Variants in RBFOX2 observed in about 807,000 individuals in gnomAD.
RBFOX2 encodes RNA binding fox-1 homolog 2, also known as RNA binding protein fox-1 homolog 2.
A neutral mutation model predicts 49.1 loss-of-function variants in RBFOX2; 10 were observed. The observed-to-expected ratio is 0.20, with a 90% CI of 0.13 to 0.35. RBFOX2 has a LOEUF of 0.35. Ranked by LOEUF, RBFOX2 falls within the 10% of genes least tolerant of loss-of-function variation. The pLI is 1.00. For missense variants in RBFOX2, 323 were observed against 486.9 expected, an observed-to-expected ratio of 0.66 and a Z score of 3.17; for synonymous variants, 183 against 187.4, an observed-to-expected ratio of 0.98 and a Z score of 0.19.
chr22:35,883,109 T>C (rs763140380), intron 1 of RBFOX2, among the ~76,000 whole-genome samples: 1 of 152,218 alleles, frequency 6.6e-6, no homozygotes, highest in African/African-American at 2.4e-5. Context: ...CCTTCATCTC[T>C]AGGCTCCTGC....
intron 1 of RBFOX2, among the ~76,000 whole-genome samples, chr22:35,915,227 G>A (rs1161859295): frequency 6.6e-6 from 1 of 152,240 alleles, no homozygotes; most frequent in Non-Finnish European, 1.5e-5. Flanking sequence ...AGGGCAGAGA[G>A]AAGGGAGGGT....
intron 1 of RBFOX2, among the ~76,000 whole-genome samples, chr22:35,873,648 A>G (rs2044648558): frequency 6.6e-6 from 1 of 152,170 alleles, no homozygotes; most frequent in African/African-American, 2.4e-5. Flanking sequence ...TGTTGTTGAT[A>G]TTCACAAAAG....
chr22:35,960,742 A>C (rs550449965), intron 1 of RBFOX2, among the ~76,000 whole-genome samples: 2 of 152,300 alleles, frequency 1.3e-5, no homozygotes, highest in African/African-American at 4.8e-5. Context: ...CGAAGAGCCA[A>C]TTCGAAGAAA....
At chr22:35,942,723 T>TAAAAAAAAAAAAAAA (rs35497151), upstream of RBFOX2, among the ~76,000 whole-genome samples, 1 of 129,670 alleles carries the variant, frequency 7.7e-6, no homozygotes, top group African/African-American at 2.9e-5. Flanking sequence ...TCCCATCTCT[T>TAAAAAAAAAAAAAAA]AAAAAAAAAA....
rs567111118 is a variant in RBFOX2, at chr22:35,947,160, C to G, written c.43-8263G>C. The stretch of plus-strand genomic sequence containing the variant: ...TGAGCTGAGATCGTGCCACTGCACT[C>G]CAGCCTGGGCGACAGAGCAAAACTC... On this transcript the variant is annotated intron_variant, in intron 1 of 5. Coordinates refer to the RBFOX2 transcript ENST00000408983. 2.0e-5 allele frequency among the ~76,000 whole-genome samples: 3 copies of G among 152,126 alleles called. No individual in the cohort carries two copies. The East Asian group carries it at 5.8e-4, about 30-fold the overall frequency.
intron 9 of RBFOX2, among the ~76,000 whole-genome samples, chr22:35,756,503 A>G (rs1391034313): frequency 6.6e-6 from 1 of 152,212 alleles, no homozygotes; most frequent in Non-Finnish European, 1.5e-5. Context: ...ATTTTTAAAA[A>G]TAAGCTTGCC....
At chr22:35,916,220 A>T (rs1189335536) in intron 1 of RBFOX2, among the ~76,000 whole-genome samples, 2 of 152,188 alleles carry the variant, frequency 1.3e-5, no homozygotes, top group Non-Finnish European at 2.9e-5. Context: ...TCTAAAGCCC[A>T]GTTTCTTCAT....
At chr22:35,852,400 T>C (rs1440982815) in intron 1 of RBFOX2, among the ~76,000 whole-genome samples, 2 of 151,486 alleles carry the variant, frequency 1.3e-5, no homozygotes, top group African/African-American at 2.4e-5. Flanking sequence ...TACAGCAGCA[T>C]GTGCCTGTAG....
intron 1 of RBFOX2, among the ~76,000 whole-genome samples, chr22:35,919,896 G>T (rs1441370998): frequency 1.3e-5 from 2 of 152,082 alleles, no homozygotes; most frequent in Admixed American, 6.5e-5. Flanking sequence ...CCTTTCCTAC[G>T]AAAACGACTG....
At chr22:35,985,021 A>G (rs1220901596) in intron 1 of RBFOX2, among the ~76,000 whole-genome samples, 1 of 152,216 alleles carries the variant, frequency 6.6e-6, no homozygotes, top group Non-Finnish European at 1.5e-5. Flanking sequence ...AATTTTTAAA[A>G]TTCCAGATGA....
At chr22:35,942,590 C>G (rs2053813962), upstream of RBFOX2, among the ~76,000 whole-genome samples, 1 of 151,654 alleles carries the variant, frequency 6.6e-6, no homozygotes, top group Admixed American at 6.6e-5. Context: ...TAAATGACCT[C>G]AGGTCATATT....
At chr22:35,762,336 C>T (rs1485468580) in intron 6 of RBFOX2, among the ~76,000 whole-genome samples, 1 of 151,852 alleles carries the variant, frequency 6.6e-6, no homozygotes, top group East Asian at 1.9e-4. Flanking sequence ...AAGTAGAATT[C>T]CACATGAAAA....
At chr22:35,798,686 C>A (rs916396668) in intron 2 of RBFOX2, among the ~76,000 whole-genome samples, 2 of 151,848 alleles carry the variant, frequency 1.3e-5, no homozygotes, top group African/African-American at 4.8e-5. Context: ...AGTTATTGCC[C>A]CTATATATGT....
intron 2 of RBFOX2, among the ~76,000 whole-genome samples, chr22:35,785,803 T>C (rs1946261165): frequency 6.6e-6 from 1 of 152,210 alleles, no homozygotes; most frequent in African/African-American, 2.4e-5. Flanking sequence ...TTTTCAATTA[T>C]CAGTCTTGGC....
upstream of RBFOX2, chr22:35,938,996 G>A: frequency 2.5e-6 from 3 of 1,183,976 alleles, no homozygotes; most frequent in South Asian, 3.8e-5. Context: ...TTCCTGCCCT[G>A]GTTCCTAAAA....
chr22:35,773,048 G>GA (rs201037899), intron 4 of RBFOX2, among the ~76,000 whole-genome samples: 442 of 120,976 alleles, frequency 3.7e-3, no homozygotes, highest in East Asian at 9.5e-3. Flanking sequence ...GGTAACAAAA[G>GA]AAAAAAAAAA....
chr22:35,864,583 ATAACT>A (rs1367353767), intron 1 of RBFOX2, among the ~76,000 whole-genome samples: 2 of 152,226 alleles, frequency 1.3e-5, no homozygotes, highest in Non-Finnish European at 2.9e-5. Context: ...AAGAAAAATA[ATAACT>A]TATACTTAGG....
chr22:35,894,462 C>T (rs986351502), intron 1 of RBFOX2, among the ~76,000 whole-genome samples: 1 of 152,068 alleles, frequency 6.6e-6, no homozygotes, highest in Non-Finnish European at 1.5e-5. Flanking sequence ...ACCCCCAAAA[C>T]AAAACACAAG....
intron 1 of RBFOX2, among the ~76,000 whole-genome samples, chr22:35,967,151 T>G (rs1004540697): frequency 1.3e-5 from 2 of 152,204 alleles, no homozygotes; most frequent in Admixed American, 1.3e-4. Flanking sequence ...CGTCTTTTAA[T>G]GAACAGATAA....
Sources: gnomAD v4.1 joint callset for allele counts (sites outside exome capture counted in the v4.1 genomes callset) on GRCh38, gnomAD v4.1.1 for gene constraint, MANE v1.5 for transcripts, NCBI Gene and HGNC (gene_info 2026-07-23, HGNC 2026-07-21) for gene names.